Variants in MAGEB3 observed in about 807,000 individuals in gnomAD.
MAGEB3 encodes the protein MAGE family member B3.
For missense variants in MAGEB3, 191 were observed against 262.4 expected (o/e 0.73, Z 1.88); for synonymous variants, 91 against 93.0 (o/e 0.98, Z 0.12).
At chrX:30,234,026 C>T (rs764301558) in intron 4 of MAGEB3, among the ~76,000 whole-genome samples, 4 of 112,583 alleles carry the variant, frequency 3.6e-5, no homozygotes, top group African/African-American at 1.3e-4. Context: ...AGCAGCCCTA[C>T]TGGTTAGCAT....
At chrX:30,234,172 C>G (rs1601961507) in intron 4 of MAGEB3, among the ~76,000 whole-genome samples, 2 of 111,197 alleles carry the variant, frequency 1.8e-5, no homozygotes, top group East Asian at 5.7e-4. Flanking sequence ...ACTTCCCCAT[C>G]CAGGGAGGGA....
chrX:30,236,105 G>A lies in MAGEB3; in HGVS notation c.181G>A (p.Ala61Thr). 1.7e-6 allele frequency: 2 copies of A among 1,209,762 alleles called. No individual in the cohort carries two copies. Among genetic ancestry groups the A allele is most frequent in the Middle Eastern group, 4.6e-4 (2 of 4,334 alleles). The change falls in exon 5 of 5, where the codon GCT becomes ACT. Residue 61 changes from alanine to threonine, a missense_variant. Coordinates refer to ENST00000361644, the MANE Select transcript of MAGEB3 (RefSeq NM_002365.5). ...AAAGTCTGCTGGTAGGTCACGTAGT[G>A]CTCTCAAGAAGCCTCAGAGAGCACT... ...QKKSAGRSRS[A>T]LKKPQRALST...
chrX:30,234,016 A>G (rs984618677), intron 4 of MAGEB3, among the ~76,000 whole-genome samples: 8 of 112,604 alleles, frequency 7.1e-5, no homozygotes, highest in African/African-American at 2.6e-4. Flanking sequence ...AGAAAGCAGC[A>G]GCAGCCCTAC....
At chrX:30,231,676 C>CAAAAAAAAAAAAAAAAAA (rs747591707) in intron 2 of MAGEB3, 58 bp downstream of exon 2, 1 of 28,079 alleles carries the variant, frequency 3.6e-5, no homozygotes, top group African/African-American at 2.0e-4. Context: ...GCCCCTGTCA[C>CAAAAAAAAAAAAAAAAAA]AAAAAAAAAA....
chrX:30,232,051 G>T (rs1601960281), intron 2 of MAGEB3, among the ~76,000 whole-genome samples: 1 of 112,340 alleles, frequency 8.9e-6, no homozygotes, highest in East Asian at 2.8e-4. Context: ...CCTCACTTCC[G>T]CTTTGAAAGT....
Position 30,236,124 on chromosome X carries a change from G to A in MAGEB3, c.200G>A (p.Arg67Lys), listed in dbSNP as rs1010056385. 3.2e-5 allele frequency: 39 copies of A among 1,208,645 alleles called. No individual in the cohort carries two copies. The highest frequency in any genetic ancestry group is 4.1e-5 in the Non-Finnish European group (37 of 893,726). The change falls in exon 5 of 5, where the codon AGA becomes AAA. Residue 67 changes from arginine to lysine, a missense_variant. Transcript: ENST00000361644. ...CGTAGTGCTCTCAAGAAGCCTCAGA[G>A]AGCACTATCCACCACTACATCTGTA... Reference protein sequence around the residue: ...RSRSALKKPQRALSTTTSVDV... With the variant: ...RSRSALKKPQKALSTTTSVDV...
chrX:30,234,564 C>T (rs891620858), intron 4 of MAGEB3, among the ~76,000 whole-genome samples: 1 of 110,866 alleles, frequency 9.0e-6, no homozygotes, highest in Non-Finnish European at 1.9e-5. Flanking sequence ...TAAATCCTGC[C>T]CCGGAAGTCT....
chrX:30,232,133 C>T (rs1336411218), intron 2 of MAGEB3, among the ~76,000 whole-genome samples: 1 of 111,911 alleles, frequency 8.9e-6, no homozygotes, highest in East Asian at 2.8e-4. Context: ...AGAACTGATC[C>T]GGAGTAAAGG....
chrX:30,232,114 G>A (rs1924814700), intron 2 of MAGEB3, among the ~76,000 whole-genome samples: 2 of 112,105 alleles, frequency 1.8e-5, no homozygotes, highest in Admixed American at 9.4e-5. Context: ...GTGGCCTAGC[G>A]TGAGTCTTAG....
In MAGEB3 at chrX:30,237,185, T is replaced by C. The variant is rs914123199; in HGVS notation, c.*220T>C. The C allele has an allele frequency of 4.7e-5, 15 of 318,543 alleles. No individual in the cohort carries two copies. The highest frequency in any genetic ancestry group is 3.8e-4 in the African/African-American group (14 of 36,960). The allele number at this position is 318,543 out of a possible 1,213,427, so 26.3% of individuals were successfully genotyped here. On this transcript the variant is annotated 3_prime_UTR_variant, in exon 5 of 5. Coordinates refer to ENST00000361644, the MANE Select transcript of MAGEB3 (RefSeq NM_002365.5). ...AGTTTAGGATTGATACTGGTCACAT[T>C]TGTTGTTTAAGAGTAAAAATTTTGC...
Position 30,235,980 on chromosome X carries a change from G to A in MAGEB3, c.56G>A (p.Arg19Gln), listed in dbSNP as rs150405296. ...GCACGTGAGAAACGCCAGCAGACCC[G>A]GGGTCAGACCCAGGATCACCAGGGT... ...LHAREKRQQT[R>Q]GQTQDHQGAQ... Residue 19 changes from arginine (R) to glutamine (Q), a missense_variant, in exon 5 of 5, where the codon CGG becomes CAG. By Grantham distance (43) the Arg-to-Gln change is conservative. Transcript: ENST00000361644. 17 of 1,208,470 alleles carry A rather than the reference G, an allele frequency of 1.4e-5. No homozygotes were observed. The African/African-American group carries it at 1.9e-4, about 14-fold the overall frequency.
At position 30,236,854 on chromosome X, in the gene MAGEB3, T is replaced by C. The variant is rs1174877795; in HGVS notation, c.930T>C (p.Ala310=). The part of the protein sequence containing the change: ...PSAFQFWYEE[A]LRDEEERVQA... Reference sequence around the variant, plus strand: ...CGTTCCAGTTCTGGTATGAAGAGGCTTTGAGAGATGAGGAAGAAAGAGTCC... The same window carrying C: ...CGTTCCAGTTCTGGTATGAAGAGGCCTTGAGAGATGAGGAAGAAAGAGTCC... The change falls in exon 5 of 5, where the codon GCT becomes GCC. Residue 310 remains alanine (A), a synonymous_variant. Transcript: ENST00000361644. 2 of 1,211,612 alleles carry C rather than the reference T, an allele frequency of 1.7e-6. No individual in the cohort carries two copies. The highest frequency in any genetic ancestry group is 2.2e-6 in the Non-Finnish European group (2 of 895,371).
intron 2 of MAGEB3, among the ~76,000 whole-genome samples, chrX:30,232,343 C>T (rs1364803011): frequency 1.8e-5 from 2 of 111,193 alleles, no homozygotes; most frequent in Non-Finnish European, 3.8e-5. Flanking sequence ...CAAGCCGGTA[C>T]GGCGTCTCAG....
In MAGEB3 at chrX:30,236,624, G is replaced by A; in HGVS notation, c.700G>A (p.Asp234Asn). 8.3e-7 allele frequency: 1 copy of A among 1,211,323 alleles called. No homozygotes were observed. The highest frequency in any genetic ancestry group is 1.1e-6 in the Non-Finnish European group (1 of 895,051). ...WEFLNKMRIY[D>N]GKKHFIFGEP... is the part of the protein sequence containing the mutation. ...ATTCCTGAATAAGATGAGAATATAT[G>A]ATGGGAAGAAACACTTCATATTTGG... The change falls in exon 5 of 5, where the codon GAT becomes AAT. Residue 234 changes from aspartate to asparagine, a missense_variant. Asp to Asn is a conservative substitution (Grantham distance 23). Coordinates refer to ENST00000361644, the MANE Select transcript of MAGEB3 (RefSeq NM_002365.5).
chrX:30,236,898 A>G lies in MAGEB3; in HGVS notation c.974A>G (p.Asn325Ser), dbSNP rs1332631497. Residue 325 changes from asparagine to serine, a missense_variant, in exon 5 of 5, where the codon AAT (asparagine) becomes AGT (serine). Coordinates refer to ENST00000361644, the MANE Select transcript of MAGEB3 (RefSeq NM_002365.5). ...AGAGTCCAAGCTGCAGCTATGCTCA[A>G]TGATGGCAGTAGTGCCATGGGCAGA... is the stretch of plus-strand genomic sequence containing the variant. ...EERVQAAAML[N>S]DGSSAMGRKC... is the part of the protein sequence containing the mutation. 3.3e-6 allele frequency: 4 copies of G among 1,211,465 alleles called. No individual in the cohort carries two copies. Among genetic ancestry groups the G allele is most frequent in the South Asian group, 3.5e-5 (2 of 56,912 alleles).
chrX:30,235,312 G>A (rs779364584), intron 4 of MAGEB3, among the ~76,000 whole-genome samples: 1 of 111,564 alleles, frequency 9.0e-6, no homozygotes, highest in East Asian at 2.8e-4. Context: ...AGCAGCAGAG[G>A]CAGCTGTCCT....
chrX:30,235,840 CCT>C, intron 4 of MAGEB3, 22 bp from the exon 5 acceptor site: 1 of 725,006 alleles, frequency 1.4e-6, no homozygotes, highest in Admixed American at 3.1e-5. Flanking sequence ...GCACTCATAC[CCT>C]CTCTTTCTCT....
rs1007780972 is a variant in MAGEB3, at chrX:30,237,040, T to C, written c.*75T>C. 5 of 738,757 alleles carry C rather than the reference T, an allele frequency of 6.8e-6. No homozygotes were observed. The highest frequency in any genetic ancestry group is 4.1e-4 in the Middle Eastern group (1 of 2,434). 60.9% of individuals were successfully genotyped at this position (738,757 alleles called of 1,213,427 possible). On this transcript the variant is annotated 3_prime_UTR_variant, in exon 5 of 5. Transcript: ENST00000361644. The stretch of plus-strand genomic sequence containing the variant: ...TTCCAAGGAGTGAAGGACTGGGTGT[T>C]ACTGGAGGGAACACACTGTATAATA...
At chrX:30,232,613 A>G (rs1219241523) in intron 2 of MAGEB3, among the ~76,000 whole-genome samples, 2 of 101,808 alleles carry the variant, frequency 2.0e-5, no homozygotes, top group Non-Finnish European at 4.0e-5. Context: ...AGAGAGAAAC[A>G]CTGTCTCAAA....
Sources: allele counts gnomAD v4.1 joint callset (sites outside exome capture counted in the v4.1 genomes callset), GRCh38; gene constraint gnomAD v4.1.1; transcripts MANE v1.5; gene names NCBI Gene and HGNC (gene_info 2026-07-23, HGNC 2026-07-21).